The following C5orf46 variants were observed in gnomAD, a reference collection of about 807,000 sequenced individuals.
The protein encoded by C5orf46 is uncharacterized protein C5orf46.
In C5orf46, 9 loss-of-function variants were observed where a neutral mutation model predicts 8.9. The ratio of observed to expected loss-of-function variants is 1.01; its 90% CI spans 0.61 to 1.76. The LOEUF (loss-of-function observed/expected upper bound fraction) is 1.76. Among genes scored for constraint, C5orf46 ranks in the 40% most tolerant of loss-of-function variants. The probability of loss-of-function intolerance (pLI) is 0.00; values close to 1 mark genes in which losing one functional copy is unlikely to be tolerated. For missense variants in C5orf46, 98 were observed against 107.8 expected (o/e 0.91, Z 0.40); for synonymous variants, 47 against 41.4 (o/e 1.14, Z -0.52).
chr5:147,886,628 A>G (rs1178658182), intron 2 of C5orf46: 1 of 151,258 alleles, frequency 6.6e-6, no homozygotes, highest in African/African-American at 2.4e-5. Flanking sequence ...TTTTTTCAAG[A>G]CATTTTCTAA....
At chr5:147,898,031 G>A (rs901752305) in intron 2 of C5orf46, among the ~76,000 whole-genome samples, 6 of 152,086 alleles carry the variant, frequency 3.9e-5, no homozygotes, top group African/African-American at 1.2e-4. Flanking sequence ...GGAGGCAATG[G>A]AAATTCATGA....
intron 1 of C5orf46, among the ~76,000 whole-genome samples, chr5:147,905,009 G>A (rs1320500054): frequency 6.6e-6 from 1 of 151,322 alleles, no homozygotes; most frequent in Non-Finnish European, 1.5e-5. Flanking sequence ...AATAATAGCA[G>A]CAAAATGATT....
chr5:147,895,098 A>G (rs1314763067), intron 3 of C5orf46, among the ~76,000 whole-genome samples: 1 of 152,040 alleles, frequency 6.6e-6, no homozygotes, highest in Non-Finnish European at 1.5e-5. Flanking sequence ...AGAGAAACAT[A>G]AGATCTATCT....
At chr5:147,887,310 G>A (rs1757437761) in intron 2 of C5orf46, 2 of 152,098 alleles carry the variant, frequency 1.3e-5, no homozygotes, top group African/African-American at 4.8e-5. Context: ...ACCTTCTATT[G>A]CATTAAATTT....
At position 147,903,342 on chromosome 5, in the gene C5orf46, G is replaced by A. The variant is rs561870533; in HGVS notation, c.71-1569C>T. On this transcript the variant is annotated intron_variant, in intron 1 of 3. Transcript: ENST00000318315. ...ATAAAAAAGATCCATGCAATAATTA[G>A]GACACCCTGATGCTGAAAGATTATT... 2.0e-4 allele frequency among the ~76,000 whole-genome samples: 30 copies of A among 152,220 alleles called. No individual in the cohort carries two copies. The South Asian group carries it at 3.9e-3, about 20-fold the overall frequency.
chr5:147,891,913 A>G (rs1479607172), downstream of C5orf46, among the ~76,000 whole-genome samples: 1 of 152,056 alleles, frequency 6.6e-6, no homozygotes, highest in Admixed American at 6.6e-5. Context: ...TTTGTGCTGC[A>G]TGCACACCTC....
At chr5:147,898,070 C>T (rs966550019) in intron 2 of C5orf46, among the ~76,000 whole-genome samples, 8 of 151,800 alleles carry the variant, frequency 5.3e-5, no homozygotes, top group African/African-American at 1.9e-4. Context: ...AGTGATATGA[C>T]CAAATTTAAA....
intron 2 of C5orf46, among the ~76,000 whole-genome samples, chr5:147,900,398 T>C (rs1474005354): frequency 1.3e-5 from 2 of 152,186 alleles, no homozygotes; most frequent in African/African-American, 4.8e-5. Flanking sequence ...TGGTTCTTAA[T>C]CTGCTATTGG....
intron 3 of C5orf46, among the ~76,000 whole-genome samples, chr5:147,895,330 G>A (rs73263234): frequency 0.013 from 2,002 of 152,084 alleles, 44 homozygotes; most frequent in African/African-American, 0.046. Flanking sequence ...CTAGTTTAAT[G>A]TTTTTTATAT....
At chr5:147,904,963 T>A (rs1319323083) in intron 1 of C5orf46, among the ~76,000 whole-genome samples, 2 of 151,002 alleles carry the variant, frequency 1.3e-5, no homozygotes, top group African/African-American at 4.8e-5. Context: ...AAAGAATGAA[T>A]AAATAAATGT....
chr5:147,886,358 C>T (rs1757416238), intron 2 of C5orf46: 1 of 151,916 alleles, frequency 6.6e-6, no homozygotes, highest in South Asian at 2.1e-4. Context: ...CTGGATTGCT[C>T]TGTATGATTT....
chr5:147,892,373 AG>A (rs1428129472), downstream of C5orf46, among the ~76,000 whole-genome samples: 2 of 152,212 alleles, frequency 1.3e-5, no homozygotes, highest in African/African-American at 2.4e-5. Context: ...AATTTTAAAA[AG>A]GTCAGTTTTT....
At chr5:147,893,411 A>T (rs915891026) in intron 3 of C5orf46, among the ~76,000 whole-genome samples, 9 of 151,050 alleles carry the variant, frequency 6.0e-5, no homozygotes, top group African/African-American at 2.2e-4. Context: ...CAGCCTCCCG[A>T]GTAGCTGGGA....
downstream of C5orf46, among the ~76,000 whole-genome samples, chr5:147,892,181 T>C (rs1209836385): frequency 6.6e-6 from 1 of 152,234 alleles, no homozygotes; most frequent in Non-Finnish European, 1.5e-5. Context: ...AGCTCTGCTA[T>C]GTCACATTTT....
chr5:147,899,107 A>G (rs1757628498), intron 2 of C5orf46, among the ~76,000 whole-genome samples: 1 of 152,148 alleles, frequency 6.6e-6, no homozygotes. Flanking sequence ...TTCCCTAAGC[A>G]CACTGGACCC....
downstream of C5orf46, among the ~76,000 whole-genome samples, chr5:147,892,056 T>C (rs999112947): frequency 6.6e-6 from 1 of 152,248 alleles, no homozygotes; most frequent in Non-Finnish European, 1.5e-5. Flanking sequence ...TAGAAGCACA[T>C]AGAAACTTTA....
intron 1 of C5orf46, among the ~76,000 whole-genome samples, chr5:147,905,704 C>T (rs769383783): frequency 2.6e-4 from 40 of 152,218 alleles, no homozygotes; most frequent in African/African-American, 8.9e-4. Flanking sequence ...AATAGTTGCT[C>T]GATAATAGTA....
chr5:147,900,774 T>A (rs187288573), intron 2 of C5orf46, among the ~76,000 whole-genome samples: 62 of 152,210 alleles, frequency 4.1e-4, no homozygotes, highest in African/African-American at 1.4e-3. Flanking sequence ...TGGGAGAAAA[T>A]TAGAGAGCAG....
intron 3 of C5orf46, among the ~76,000 whole-genome samples, chr5:147,895,440 G>A (rs906597991): frequency 4.6e-5 from 7 of 152,156 alleles, no homozygotes; most frequent in Non-Finnish European, 4.4e-5. Flanking sequence ...AAAAATTTAT[G>A]GCATTAAGAT....
Sources: gnomAD v4.1 joint callset for allele counts (sites outside exome capture counted in the v4.1 genomes callset) on GRCh38, gnomAD v4.1.1 for gene constraint, MANE v1.5 for transcripts, NCBI Gene and HGNC (gene_info 2026-07-23, HGNC 2026-07-21) for gene names.